The following NKAIN3 variants were observed in gnomAD, a reference collection of about 807,000 sequenced individuals.
NKAIN3 encodes the protein sodium/potassium-transporting ATPase subunit beta-1-interacting protein 3.
Under a neutral mutation model 30.2 loss-of-function variants are expected in NKAIN3, and 25 were observed. The observed-to-expected ratio is 0.83, with a 90% CI of 0.60 to 1.16. NKAIN3 has a LOEUF of 1.16. Among genes scored for constraint, NKAIN3 ranks in the 50% most tolerant of loss-of-function variants. The pLI is 0.00. For missense variants in NKAIN3, 225 were observed against 254.1 expected (o/e 0.89, Z 0.78); for synonymous variants, 91 against 89.6 (o/e 1.02, Z -0.09).
chr8:62,897,365 G>C (rs530545301), intron 4 of NKAIN3, among the ~76,000 whole-genome samples: 2 of 70,264 alleles, frequency 2.8e-5, no homozygotes, highest in African/African-American at 1.9e-4. Context: ...AAATCTGTTG[G>C]TGTAATTTTT....
chr8:62,941,261 T>A lies in NKAIN3; in HGVS notation c.533-12641T>A, dbSNP rs185859426. Among the ~76,000 whole-genome samples, 649 of 152,040 alleles carry A rather than the reference T, an allele frequency of 4.3e-3. 9 individuals carry two copies. Among genetic ancestry groups the A allele is most frequent in the African/African-American group, 0.012 (502 of 41,518 alleles). On this transcript the variant is annotated intron_variant, in intron 5 of 6. Coordinates refer to ENST00000623646, the MANE Select transcript of NKAIN3 (RefSeq NM_001304533.3). ...AGCAAGATTGAAATGGTAATTTTTTTAAAAAATTACCAATAGAAAAGTCCA... is the reference window on the plus strand; with the variant it reads ...AGCAAGATTGAAATGGTAATTTTTTAAAAAAATTACCAATAGAAAAGTCCA...
intron 1 of NKAIN3, among the ~76,000 whole-genome samples, chr8:62,428,146 A>G (rs1223447904): frequency 6.6e-6 from 1 of 151,922 alleles, no homozygotes; most frequent in Admixed American, 6.6e-5. Context: ...CTACAGTTTC[A>G]TCCATGTTGC....
chr8:62,775,832 C>CTGATGT (rs1586183494), intron 4 of NKAIN3, among the ~76,000 whole-genome samples: 2 of 152,022 alleles, frequency 1.3e-5, no homozygotes, highest in East Asian at 3.9e-4. Flanking sequence ...CAGTTTAAGT[C>CTGATGT]TGATGTTTCT....
At chr8:62,508,354 C>T (rs1256245970) in intron 1 of NKAIN3, among the ~76,000 whole-genome samples, 1 of 152,158 alleles carries the variant, frequency 6.6e-6, no homozygotes, top group African/African-American at 2.4e-5. Context: ...TCTTGCCCCT[C>T]CCCCTCCACC....
intron 4 of NKAIN3, among the ~76,000 whole-genome samples, chr8:62,818,121 CAATT>C (rs1165639397): frequency 3.9e-5 from 6 of 151,976 alleles, no homozygotes; most frequent in Non-Finnish European, 8.8e-5. Context: ...CACACAAACA[CAATT>C]AGTTAATGTA....
intron 3 of NKAIN3, among the ~76,000 whole-genome samples, chr8:62,686,055 G>A (rs989955664): frequency 6.6e-6 from 1 of 152,110 alleles, no homozygotes; most frequent in African/African-American, 2.4e-5. Flanking sequence ...GAAGAAGTCA[G>A]TTAGTTGACA....
At chr8:62,883,461 T>TTTTTTTTTTTTG (rs1821055624) in intron 4 of NKAIN3, among the ~76,000 whole-genome samples, 1 of 145,094 alleles carries the variant, frequency 6.9e-6, no homozygotes, top group African/African-American at 2.5e-5. Flanking sequence ...TTATGGGTTT[T>TTTTTTTTTTTTG]TTTTTTTTTT....
intron 3 of NKAIN3, among the ~76,000 whole-genome samples, chr8:62,603,446 A>G (rs1235907353): frequency 2.6e-5 from 4 of 152,184 alleles, no homozygotes; most frequent in Non-Finnish European, 5.9e-5. Flanking sequence ...TCAGATAACA[A>G]TTACTCAATG....
chr8:62,478,595 CATCATT>C (rs1806597153), intron 1 of NKAIN3, among the ~76,000 whole-genome samples: 1 of 152,174 alleles, frequency 6.6e-6, no homozygotes, highest in Non-Finnish European at 1.5e-5. Flanking sequence ...TTTGTGGTAT[CATCATT>C]ATCATTATTA....
At chr8:62,825,426 C>G (rs1268758193) in intron 4 of NKAIN3, among the ~76,000 whole-genome samples, 1 of 152,136 alleles carries the variant, frequency 6.6e-6, no homozygotes, top group Admixed American at 6.5e-5. Flanking sequence ...TTTGTTCTCT[C>G]TAATCTTTAT....
chr8:62,438,903 A>G (rs1805244910), intron 1 of NKAIN3, among the ~76,000 whole-genome samples: 1 of 152,090 alleles, frequency 6.6e-6, no homozygotes, highest in South Asian at 2.1e-4. Flanking sequence ...CATTCTCAAG[A>G]GCTCAGATAT....
Position 62,400,531 on chromosome 8 carries a change from T to C in NKAIN3, c.54+151404T>C, listed in dbSNP as rs573790587. Among the ~76,000 whole-genome samples, 6 of 152,184 alleles carry C rather than the reference T, an allele frequency of 3.9e-5. No individual in the cohort carries two copies. The East Asian group carries it at 5.8e-4, about 15-fold the overall frequency. On this transcript the variant is annotated intron_variant, in intron 1 of 6. Transcript: ENST00000623646. ...TAAGATTGACTAGAAGTATGAACCA[T>C]AGGGGTGTAGAGGAAGCATTGACAA...
chr8:62,407,505 C>T lies in NKAIN3; in HGVS notation c.54+158378C>T, dbSNP rs533375719. Among the ~76,000 whole-genome samples, 4 of 145,742 alleles carry T rather than the reference C, an allele frequency of 2.7e-5. No individual in the cohort carries two copies. The East Asian group carries it at 8.6e-4, about 31-fold the overall frequency. On this transcript the variant is annotated intron_variant, in intron 1 of 6. Coordinates refer to ENST00000623646, the MANE Select transcript of NKAIN3 (RefSeq NM_001304533.3). ...CTCCGCCTCCCGAGTTCAAGTGATT[C>T]TCCTGCTTCAGTCTGTGGAGTAGCT... is the stretch of plus-strand genomic sequence containing the variant.
chr8:62,669,352 G>A (rs546737283), intron 3 of NKAIN3, among the ~76,000 whole-genome samples: 17 of 152,018 alleles, frequency 1.1e-4, no homozygotes, highest in South Asian at 4.2e-4. Flanking sequence ...TAAACCTCCC[G>A]CACTCCTAAC....
At chr8:62,804,651 C>A (rs1259987548) in intron 4 of NKAIN3, among the ~76,000 whole-genome samples, 2 of 152,144 alleles carry the variant, frequency 1.3e-5, no homozygotes, top group Non-Finnish European at 2.9e-5. Flanking sequence ...GGATGTACCT[C>A]AAAATAATAA....
chr8:62,628,795 T>G (rs1449929605), intron 3 of NKAIN3, among the ~76,000 whole-genome samples: 1 of 152,134 alleles, frequency 6.6e-6, no homozygotes, highest in Non-Finnish European at 1.5e-5. Flanking sequence ...CTATTCAAGA[T>G]GATATTTTTT....
chr8:62,768,844 A>G (rs1027947608), intron 4 of NKAIN3, among the ~76,000 whole-genome samples: 1 of 152,218 alleles, frequency 6.6e-6, no homozygotes, highest in African/African-American at 2.4e-5. Flanking sequence ...TAAGTATGTC[A>G]TGAAGATTTC....
intron 1 of NKAIN3, among the ~76,000 whole-genome samples, chr8:62,561,786 A>G (rs1171689748): frequency 6.6e-6 from 1 of 152,160 alleles, no homozygotes; most frequent in Non-Finnish European, 1.5e-5. Context: ...ATGGAAATAG[A>G]TTTGTAAAAA....
intron 4 of NKAIN3, among the ~76,000 whole-genome samples, chr8:62,815,896 T>C (rs868854427): frequency 6.6e-6 from 1 of 152,220 alleles, no homozygotes; most frequent in Admixed American, 6.6e-5. Flanking sequence ...GATTCTGTTT[T>C]ATATCTATCT....
Sources: allele counts gnomAD v4.1 joint callset (sites outside exome capture counted in the v4.1 genomes callset), GRCh38; gene constraint gnomAD v4.1.1; transcripts MANE v1.5; gene names NCBI Gene and HGNC (gene_info 2026-07-23, HGNC 2026-07-21).